MYO9A: variants seen among roughly 807,000 people sequenced by gnomAD.
MYO9A encodes the protein myosin IXA.
In MYO9A, 103 loss-of-function variants were observed where a neutral mutation model predicts 293.3. The ratio of observed to expected loss-of-function variants is 0.35; its 90% CI spans 0.30 to 0.41. The LOEUF (loss-of-function observed/expected upper bound fraction) is 0.41, where lower values mean the gene tolerates loss of function less well. MYO9A is among the 10% of genes least tolerant of loss of function. The pLI, the probability that MYO9A is intolerant of heterozygous loss-of-function variation, is 1.00. For missense variants in MYO9A, 2,685 were observed against 3,033.0 expected, an observed-to-expected ratio of 0.89 and a Z score of 2.69; for synonymous variants, 1,001 against 1,035.7, an observed-to-expected ratio of 0.97 and a Z score of 0.64.
At chr15:71,990,589 A>C (rs2076516976) in intron 11 of MYO9A, among the ~76,000 whole-genome samples, 1 of 151,970 alleles carries the variant, frequency 6.6e-6, no homozygotes, top group Admixed American at 6.5e-5. Context: ...CCCCATCTCT[A>C]CTAAAAATAC....
intron 37 of MYO9A, among the ~76,000 whole-genome samples, chr15:71,850,765 C>CAAAAA (rs780727961): frequency 3.2e-4 from 14 of 44,124 alleles, no homozygotes; most frequent in African/African-American, 6.0e-4. Flanking sequence ...AACTGTGTCT[C>CAAAAA]AAAAAAAAAA....
chr15:71,989,239 A>G (rs2148317273), intron 11 of MYO9A, among the ~76,000 whole-genome samples: 1 of 152,292 alleles, frequency 6.6e-6, no homozygotes, highest in Middle Eastern at 3.4e-3. Flanking sequence ...GATCCTCATA[A>G]GAAATATCTA....
chr15:71,991,043 G>A, intron 11 of MYO9A, 60 bp downstream of exon 11: 2 of 1,362,100 alleles, frequency 1.5e-6, no homozygotes, highest in Non-Finnish European at 9.7e-7. Context: ...GAATTATTAT[G>A]AATATGACTC....
At chr15:72,010,286 A>C in intron 7 of MYO9A, 64 bp downstream of exon 7, 1 of 1,372,062 alleles carries the variant, frequency 7.3e-7, no homozygotes, top group Non-Finnish European at 1.0e-6. Context: ...CAACGGCAGA[A>C]ATCTTTCAAA....
intron 2 of MYO9A, among the ~76,000 whole-genome samples, chr15:72,033,003 G>A (rs1211698616): frequency 2.0e-5 from 3 of 151,924 alleles, no homozygotes; most frequent in Non-Finnish European, 4.4e-5. Context: ...GGCCCACGCC[G>A]CCAAGCCTGG....
In MYO9A at chr15:71,991,145, A is replaced by T; in HGVS notation, c.1680T>A (p.Arg560=). 6.2e-7 allele frequency: 1 copy of T among 1,608,580 alleles called. No homozygotes were observed. The highest frequency in any genetic ancestry group is 8.5e-7 in the Non-Finnish European group (1 of 1,177,862). ...EQFCINFANE[R]LQHYFNQHIF... is the part of the protein sequence containing the mutation. The stretch of plus-strand genomic sequence containing the variant: ...TATGCTGATTAAAGTAGTGCTGTAA[A>T]CGTTCATTAGCAAAATTAATACAGA... Residue 560 remains arginine (R), a synonymous_variant, in exon 11 of 42, where the codon CGT becomes CGA. Transcript: ENST00000356056.
At chr15:72,106,717 T>C (rs2080582478) in intron 1 of MYO9A, among the ~76,000 whole-genome samples, 1 of 152,036 alleles carries the variant, frequency 6.6e-6, no homozygotes, top group Non-Finnish European at 1.5e-5. Flanking sequence ...CCTCCCACCT[T>C]AGGCTCCCAA....
chr15:71,851,327 A>C lies in MYO9A; in HGVS notation c.6507T>G (p.Gly2169=), dbSNP rs773381857. ...GLQERKETIR[G]VYSVIDQLSR... ...AGAGTTGATCAATCACAGAGTATACACCACGGATTGTCTCCTTCCTCTCCT... is the reference window on the plus strand; with the variant it reads ...AGAGTTGATCAATCACAGAGTATACCCCACGGATTGTCTCCTTCCTCTCCT... The change falls in exon 37 of 42, where the codon GGT becomes GGG. Residue 2169 remains glycine, a synonymous_variant. Transcript: ENST00000356056. 6.2e-7 allele frequency: 1 copy of C among 1,613,908 alleles called. No individual in the cohort carries two copies. Among genetic ancestry groups the C allele is most frequent in the Non-Finnish European group, 8.5e-7 (1 of 1,179,876 alleles).
intron 26 of MYO9A, 199 bp downstream of exon 26, chr15:71,893,480 G>T (rs60705114): frequency 3.4e-6 from 2 of 596,758 alleles, no homozygotes; most frequent in Non-Finnish European, 5.8e-6. Flanking sequence ...CTTTTTCTTA[G>T]CAACTGGGTT....
chr15:72,003,716 A>T (rs912381426), intron 8 of MYO9A, among the ~76,000 whole-genome samples: 79 of 151,948 alleles, frequency 5.2e-4, no homozygotes, highest in African/African-American at 1.8e-3. Flanking sequence ...AAAAAAAAAA[A>T]AAAAATAAGA....
chr15:72,086,775 TG>T (rs1274204492), intron 1 of MYO9A, among the ~76,000 whole-genome samples: 1 of 151,990 alleles, frequency 6.6e-6, no homozygotes, highest in African/African-American at 2.4e-5. Flanking sequence ...TTGTTGTTGT[TG>T]TTTTTTTTGA....
intron 26 of MYO9A, chr15:71,893,467 C>A: frequency 1.7e-6 from 1 of 581,702 alleles, no homozygotes; most frequent in Non-Finnish European, 3.0e-6. Context: ...CACAAATTGC[C>A]TTCTTTTTCT....
At chr15:71,848,997 G>A in intron 38 of MYO9A, 29 bp from the exon 39 acceptor site, 1 of 1,558,634 alleles carries the variant, frequency 6.4e-7, no homozygotes, top group Non-Finnish European at 8.6e-7. Context: ...GAAAAAAACT[G>A]TTAAGAGGTG....
intron 6 of MYO9A, among the ~76,000 whole-genome samples, chr15:72,018,800 T>G (rs939688760): frequency 6.6e-6 from 1 of 152,224 alleles, no homozygotes; most frequent in Admixed American, 6.5e-5. Context: ...AAATATTGAA[T>G]GTGGACTAAG....
rs769255211 is a variant in MYO9A, at chr15:71,899,989, G to A, written c.3168C>T (p.Tyr1056=). The A allele has an allele frequency of 8.1e-6, 13 of 1,608,448 alleles. No homozygotes were observed. The highest frequency in any genetic ancestry group is 1.7e-6 in the Non-Finnish European group (2 of 1,175,520). The change falls in exon 24 of 42, where the codon TAC becomes TAT. Residue 1056 remains tyrosine (Y), a synonymous_variant. Transcript: ENST00000356056. ...SVIIQRFWRN[Y]LNQKQVRDAA... ...CATCTCTGACTTGCTTCTGATTTAGGTAATTCCTCCAGAATCTCTATGGGG... is the reference window on the plus strand; with the variant it reads ...CATCTCTGACTTGCTTCTGATTTAGATAATTCCTCCAGAATCTCTATGGGG...
intron 14 of MYO9A, among the ~76,000 whole-genome samples, chr15:71,952,832 A>G (rs1283589447): frequency 6.6e-6 from 1 of 152,226 alleles, no homozygotes; most frequent in East Asian, 1.9e-4. Context: ...GAGATACAAC[A>G]GAACAATCTT....
chr15:71,936,231 G>A (rs1045223955), intron 16 of MYO9A, among the ~76,000 whole-genome samples: 8 of 152,018 alleles, frequency 5.3e-5, no homozygotes, highest in Admixed American at 2.0e-4. Flanking sequence ...GACAAATACT[G>A]CATGACCCCA....
chr15:72,038,660 C>T (rs552322061), intron 2 of MYO9A, among the ~76,000 whole-genome samples: 1 of 152,232 alleles, frequency 6.6e-6, no homozygotes, highest in African/African-American at 2.4e-5. Context: ...ATGGAAACAG[C>T]CATCTTAGAC....
intron 1 of MYO9A, among the ~76,000 whole-genome samples, chr15:72,105,118 C>T (rs1230587221): frequency 6.6e-6 from 1 of 152,154 alleles, no homozygotes; most frequent in African/African-American, 2.4e-5. Flanking sequence ...ATCTCAACAA[C>T]AACAAAACAG....
Sources: allele counts gnomAD v4.1 joint callset (sites outside exome capture counted in the v4.1 genomes callset), GRCh38; gene constraint gnomAD v4.1.1; transcripts MANE v1.5; gene names NCBI Gene and HGNC (gene_info 2026-07-23, HGNC 2026-07-21).